The following MAST4 variants were observed in gnomAD, a reference collection of about 807,000 sequenced individuals.
MAST4 encodes the protein microtubule associated serine/threonine kinase family member 4.
A neutral mutation model predicts 162.7 loss-of-function variants in MAST4; 89 were observed. The ratio of observed to expected loss-of-function variants is 0.55; its 90% CI spans 0.46 to 0.65. MAST4 has a LOEUF of 0.65. Among genes scored for constraint, MAST4 ranks in the 30% least tolerant of loss-of-function variants. MAST4 has a pLI of 0.00. For synonymous variants in MAST4, 1,479 were observed against 1,361.1 expected (o/e 1.09, Z -1.91); for missense variants, 3,153 against 3,374.0 (o/e 0.93, Z 1.62).
At chr5:66,761,121 G>C (rs1753830216) in intron 2 of MAST4, among the ~76,000 whole-genome samples, 1 of 152,120 alleles carries the variant, frequency 6.6e-6, no homozygotes, top group Admixed American at 6.5e-5. Flanking sequence ...GTGTTACATA[G>C]ATGTATCACA....
intron 4 of MAST4, among the ~76,000 whole-genome samples, chr5:66,951,770 G>A (rs751754715): frequency 3.9e-5 from 6 of 151,946 alleles, no homozygotes; most frequent in African/African-American, 9.7e-5. Flanking sequence ...TAGCTGTCAT[G>A]AATCCTTTCC....
intron 1 of MAST4, among the ~76,000 whole-genome samples, chr5:66,661,917 A>T (rs1198317305): frequency 6.6e-6 from 1 of 152,196 alleles, no homozygotes; most frequent in Non-Finnish European, 1.5e-5. Context: ...AAACAGTGGG[A>T]TGTCATAATA....
At chr5:67,105,568 G>A (rs1287993514) in intron 10 of MAST4, among the ~76,000 whole-genome samples, 2 of 152,090 alleles carry the variant, frequency 1.3e-5, no homozygotes, top group Admixed American at 6.5e-5. Flanking sequence ...CTATCCTTAG[G>A]GTGAACACAT....
chr5:66,638,281 C>T (rs1745256781), intron 1 of MAST4, among the ~76,000 whole-genome samples: 1 of 152,096 alleles, frequency 6.6e-6, no homozygotes, highest in African/African-American at 2.4e-5. Context: ...AGGCAAAATG[C>T]AGACGCATGG....
At chr5:66,643,901 T>C (rs949547463) in intron 1 of MAST4, among the ~76,000 whole-genome samples, 1 of 149,922 alleles carries the variant, frequency 6.7e-6, no homozygotes, top group Non-Finnish European at 1.5e-5. Flanking sequence ...TTCTTTAAAT[T>C]ACATTTGGGT....
chr5:66,854,998 A>G (rs1759573528), intron 3 of MAST4, among the ~76,000 whole-genome samples: 1 of 152,124 alleles, frequency 6.6e-6, no homozygotes, highest in Non-Finnish European at 1.5e-5. Context: ...CAGAGACTTC[A>G]TCCTGTTTAT....
rs1004844462 is a variant in MAST4, at chr5:66,659,414, T to C, written c.363+62396T>C. On this transcript the variant is annotated intron_variant, in intron 1 of 28. Transcript: ENST00000403625. ...ATATGTATCCATCTCATTTGGATGC[T>C]GTAGGCAATGAGACAGTGGATTTGT... Among the ~76,000 whole-genome samples the C allele has an allele frequency of 3.3e-5, 5 of 152,358 alleles. No individual in the cohort carries two copies. The Middle Eastern group carries it at 0.01, about 311-fold the overall frequency.
At chr5:67,131,977 C>T in intron 16 of MAST4, 26 bp downstream of exon 16, 14 of 1,601,056 alleles carry the variant, frequency 8.7e-6, no homozygotes, top group South Asian at 3.4e-5. Flanking sequence ...AAATATATGT[C>T]TTCTTTTGCC....
intron 4 of MAST4, among the ~76,000 whole-genome samples, chr5:67,009,321 G>A (rs1441233786): frequency 6.6e-6 from 1 of 152,160 alleles, no homozygotes; most frequent in Non-Finnish European, 1.5e-5. Flanking sequence ...TTTCCAAGGG[G>A]CAGGATAAAT....
chr5:66,918,116 T>G (rs1764238998), intron 4 of MAST4, among the ~76,000 whole-genome samples: 1 of 152,162 alleles, frequency 6.6e-6, no homozygotes, highest in South Asian at 2.1e-4. Context: ...CTGTGATAAT[T>G]GTACAATCAT....
chr5:66,870,039 TTG>T (rs1335369565), intron 3 of MAST4, among the ~76,000 whole-genome samples: 3 of 152,152 alleles, frequency 2.0e-5, no homozygotes, highest in African/African-American at 7.2e-5. Context: ...GGTGGTGTGT[TTG>T]TGTGTTTGGC....
intron 3 of MAST4, chr5:66,870,894 G>A (rs555878275): frequency 4.3e-5 from 20 of 470,548 alleles, no homozygotes; most frequent in South Asian, 2.2e-4. Flanking sequence ...TGTGCATGGC[G>A]GCGTGGTCCC....
rs563243753 is a variant in MAST4, at chr5:67,001,068, A to G, written c.675-53336A>G. 5.9e-5 allele frequency among the ~76,000 whole-genome samples: 9 copies of G among 152,302 alleles called. No homozygotes were observed. The East Asian group carries it at 9.6e-4, about 16-fold the overall frequency. Reference sequence around the variant, plus strand: ...AGAAAATCCTGCTGAATATCTCTATATTGACCTAGACCAGCTATAGTCTTA... The same window carrying G: ...AGAAAATCCTGCTGAATATCTCTATGTTGACCTAGACCAGCTATAGTCTTA... On this transcript the variant is annotated intron_variant, in intron 4 of 28. Transcript: ENST00000403625.
intron 1 of MAST4, among the ~76,000 whole-genome samples, chr5:66,651,791 C>G (rs745790480): frequency 5.9e-5 from 9 of 152,114 alleles, no homozygotes; most frequent in Non-Finnish European, 1.2e-4. Context: ...GACCTACTTC[C>G]TAACTCACTC....
intron 4 of MAST4, among the ~76,000 whole-genome samples, chr5:66,923,808 G>T (rs1486513590): frequency 6.6e-6 from 1 of 152,192 alleles, no homozygotes; most frequent in Non-Finnish European, 1.5e-5. Context: ...TTGGGGAGAA[G>T]GGGGTTGATG....
intron 1 of MAST4, among the ~76,000 whole-genome samples, chr5:66,738,626 A>G (rs1457116916): frequency 6.6e-6 from 1 of 152,210 alleles, no homozygotes; most frequent in Non-Finnish European, 1.5e-5. Context: ...ATATAGCAGG[A>G]GCAGGTGAAG....
intron 5 of MAST4, among the ~76,000 whole-genome samples, chr5:67,055,665 C>T (rs1015290513): frequency 6.6e-6 from 1 of 152,172 alleles, no homozygotes; most frequent in Non-Finnish European, 1.5e-5. Context: ...AAAATGACCA[C>T]TAACATCTAG....
In MAST4 at chr5:66,920,283, G is replaced by A. The variant is rs185075763; in HGVS notation, c.674+20301G>A. On this transcript the variant is annotated intron_variant, in intron 4 of 28. Transcript: ENST00000403625. ...AAATTGTGTTTCCCTACTCTCGTTTGAATCATTATCAAAATTGACAGAGTT... is the reference window on the plus strand; with the variant it reads ...AAATTGTGTTTCCCTACTCTCGTTTAAATCATTATCAAAATTGACAGAGTT... Among the ~76,000 whole-genome samples, 728 of 152,094 alleles carry A rather than the reference G, an allele frequency of 4.8e-3. 4 individuals carry two copies. The highest frequency in any genetic ancestry group is 4.3e-3 in the Non-Finnish European group (294 of 68,006).
At chr5:67,091,860 A>G (rs924751798) in intron 6 of MAST4, among the ~76,000 whole-genome samples, 11 of 152,266 alleles carry the variant, frequency 7.2e-5, no homozygotes, top group African/African-American at 2.6e-4. Context: ...GTGACAGGAG[A>G]TTATCACAGG....
Sources: allele counts gnomAD v4.1 joint callset (sites outside exome capture counted in the v4.1 genomes callset), GRCh38; gene constraint gnomAD v4.1.1; transcripts MANE v1.5; gene names NCBI Gene and HGNC (gene_info 2026-07-23, HGNC 2026-07-21).